Variants in RNGTT observed in about 807,000 individuals in gnomAD.
RNGTT encodes mRNA-capping enzyme.
In RNGTT, 33 loss-of-function variants were observed where a neutral mutation model predicts 79.3. The observed-to-expected ratio is 0.42, with a 90% CI of 0.32 to 0.56. The LOEUF (loss-of-function observed/expected upper bound fraction) is 0.56. Ranked by LOEUF, RNGTT falls within the 20% of genes least tolerant of loss-of-function variation. The pLI, the probability that RNGTT is intolerant of heterozygous loss-of-function variation, is 0.17. For synonymous variants in RNGTT, 222 were observed against 235.9 expected (o/e 0.94, Z 0.54); for missense variants, 497 against 739.1 (o/e 0.67, Z 3.80).
intron 8 of RNGTT, among the ~76,000 whole-genome samples, chr6:88,874,224 C>G (rs1180779844): frequency 6.6e-6 from 1 of 152,080 alleles, no homozygotes; most frequent in African/African-American, 2.4e-5. Context: ...TAAAATACAG[C>G]ATTCTTTTAA....
At position 88,963,415 on chromosome 6, in the gene RNGTT, G is replaced by C; in HGVS notation, c.-6C>G. 1 of 1,593,384 alleles carries C rather than the reference G, an allele frequency of 6.3e-7. No individual in the cohort carries two copies. ...GGGATCTTGTTGTGAGCCATGTCTTGGGGCTGCGCAGAGCTGCCCTCCCTC... is the reference window on the plus strand; with the variant it reads ...GGGATCTTGTTGTGAGCCATGTCTTCGGGCTGCGCAGAGCTGCCCTCCCTC... On this transcript the variant is annotated 5_prime_UTR_variant, in exon 1 of 16. Coordinates refer to ENST00000369485, the MANE Select transcript of RNGTT (RefSeq NM_003800.5).
At chr6:88,629,908 C>G (rs1772783158) in intron 14 of RNGTT, among the ~76,000 whole-genome samples, 2 of 152,138 alleles carry the variant, frequency 1.3e-5, no homozygotes, top group South Asian at 4.2e-4. Context: ...ACAGGATATT[C>G]TCACACTAGC....
intron 11 of RNGTT, among the ~76,000 whole-genome samples, chr6:88,835,494 A>G: frequency 6.6e-6 from 1 of 152,224 alleles, no homozygotes. Flanking sequence ...TGGGCAGAAA[A>G]ATAGGCAATT....
intron 11 of RNGTT, among the ~76,000 whole-genome samples, chr6:88,803,641 C>T (rs1582479810): frequency 7.1e-6 from 1 of 141,634 alleles, no homozygotes; most frequent in Non-Finnish European, 1.5e-5. Flanking sequence ...CAATAAAAAC[C>T]AAATACCACA....
In RNGTT at chr6:88,642,883, G is replaced by C. The variant is rs566379166; in HGVS notation, c.1507-28488C>G. On this transcript the variant is annotated intron_variant, in intron 14 of 15. Coordinates refer to ENST00000369485, the MANE Select transcript of RNGTT (RefSeq NM_003800.5). The stretch of plus-strand genomic sequence containing the variant: ...CTATACCTAGTACAATTAAAGTCAT[G>C]TAATTGTTTATGCCAGAGCTAAGTT... 1.1e-4 allele frequency among the ~76,000 whole-genome samples: 17 copies of C among 152,294 alleles called. No individual in the cohort carries two copies. In the South Asian group the frequency reaches 3.3e-3, roughly 30 times the overall value.
At chr6:88,836,158 A>G (rs1239158430) in intron 11 of RNGTT, among the ~76,000 whole-genome samples, 4 of 150,512 alleles carry the variant, frequency 2.7e-5, no homozygotes, top group African/African-American at 9.7e-5. Context: ...ACCATATGAA[A>G]GTATGAATTC....
At chr6:88,827,826 G>A (rs9351188) in intron 11 of RNGTT, among the ~76,000 whole-genome samples, 8,631 of 152,116 alleles carry the variant, frequency 0.057, 470 homozygotes, top group African/African-American at 0.14. Context: ...TGCTGTAGCC[G>A]GACTGCCTCT....
intron 11 of RNGTT, among the ~76,000 whole-genome samples, chr6:88,838,942 G>T (rs1381351525): frequency 6.6e-6 from 1 of 151,768 alleles, no homozygotes; most frequent in East Asian, 1.9e-4. Context: ...AGACAGTCTA[G>T]AAACAGAACC....
At chr6:88,954,710 T>C (rs1306745206) in intron 1 of RNGTT, among the ~76,000 whole-genome samples, 2 of 151,482 alleles carry the variant, frequency 1.3e-5, no homozygotes, top group African/African-American at 4.9e-5. Flanking sequence ...CACAGTGGAA[T>C]AAAACTGAAA....
At chr6:88,677,850 A>G (rs2127789441) in intron 14 of RNGTT, 1 of 152,576 alleles carries the variant, frequency 6.6e-6, no homozygotes, top group East Asian at 1.9e-4. Context: ...TAAATGAATC[A>G]CTGAACTGTT....
intron 14 of RNGTT, among the ~76,000 whole-genome samples, chr6:88,662,374 G>C (rs1774219573): frequency 6.6e-6 from 1 of 152,190 alleles, no homozygotes; most frequent in African/African-American, 2.4e-5. Flanking sequence ...CATCACTGAT[G>C]CATGTAGCTC....
At position 88,686,212 on chromosome 6, in the gene RNGTT, AAACT is replaced by A. The variant is rs540626719; in HGVS notation, c.1440-7797_1440-7794del. Among the ~76,000 whole-genome samples, 308 of 151,914 alleles carry A rather than the reference AAACT, an allele frequency of 2.0e-3. 1 individual carries two copies. The highest frequency in any genetic ancestry group is 3.4e-3 in the Middle Eastern group (1 of 294). On this transcript the variant is annotated intron_variant, in intron 13 of 15. Transcript: ENST00000369485. ...AAAAAATATTTTTAATCTAGGAATA[AAACT>A]AACAAAAGAAGTGAAAGACCTTAAT...
chr6:88,828,632 G>C (rs1780748602), intron 11 of RNGTT, among the ~76,000 whole-genome samples: 1 of 151,988 alleles, frequency 6.6e-6, no homozygotes, highest in Non-Finnish European at 1.5e-5. Flanking sequence ...ATGCGAATCT[G>C]AGAACCTTGA....
intron 14 of RNGTT, among the ~76,000 whole-genome samples, chr6:88,649,531 A>G (rs752263643): frequency 6.6e-6 from 1 of 152,134 alleles, no homozygotes; most frequent in Non-Finnish European, 1.5e-5. Flanking sequence ...CCACGTCTTT[A>G]ATAAAAATAC....
chr6:88,631,150 C>T (rs1463100109), intron 14 of RNGTT, among the ~76,000 whole-genome samples: 4 of 152,162 alleles, frequency 2.6e-5, no homozygotes, highest in Non-Finnish European at 5.9e-5. Flanking sequence ...CTGATGGCCA[C>T]ACAGTTCTGT....
chr6:88,673,872 T>C (rs78768418), intron 14 of RNGTT, among the ~76,000 whole-genome samples: 1 of 152,368 alleles, frequency 6.6e-6, no homozygotes, highest in Non-Finnish European at 1.5e-5. Flanking sequence ...TCTCTCTTTT[T>C]AGTTACTTCA....
intron 14 of RNGTT, among the ~76,000 whole-genome samples, chr6:88,645,242 C>A (rs564876617): frequency 6.6e-6 from 1 of 152,294 alleles, no homozygotes; most frequent in Non-Finnish European, 1.5e-5. Flanking sequence ...CATGAGTGAA[C>A]TCCCATTCAC....
At chr6:88,893,123 GA>G (rs1209829305) in intron 6 of RNGTT, among the ~76,000 whole-genome samples, 2 of 151,726 alleles carry the variant, frequency 1.3e-5, no homozygotes, top group African/African-American at 4.8e-5. Flanking sequence ...ACAGCTAAAG[GA>G]AAAAAAGAGT....
chr6:88,775,211 TCA>T (rs2127846144), intron 12 of RNGTT, among the ~76,000 whole-genome samples: 1 of 152,274 alleles, frequency 6.6e-6, no homozygotes, highest in Admixed American at 6.5e-5. Context: ...ATCCATCTCC[TCA>T]CAGTTACCTT....
Sources: gnomAD v4.1 joint callset for allele counts (sites outside exome capture counted in the v4.1 genomes callset) on GRCh38, gnomAD v4.1.1 for gene constraint, MANE v1.5 for transcripts, NCBI Gene and HGNC (gene_info 2026-07-23, HGNC 2026-07-21) for gene names.